SUSD1: variants seen among roughly 807,000 people sequenced by gnomAD.
SUSD1 encodes the protein sushi domain containing 1, also known as sushi domain-containing protein 1.
SUSD1 carries 65 observed loss-of-function variants against 86.9 expected under a neutral mutation model. The observed-to-expected ratio is 0.75, with a 90% CI of 0.61 to 0.92. The LOEUF (loss-of-function observed/expected upper bound fraction) is 0.92. Ranked by LOEUF, SUSD1 falls within the 40% of genes least tolerant of loss-of-function variation. The probability of loss-of-function intolerance (pLI) is 0.00; values close to 1 mark genes in which losing one functional copy is unlikely to be tolerated. For synonymous variants in SUSD1, 346 were observed against 350.0 expected, an observed-to-expected ratio of 0.99 and a Z score of 0.13; for missense variants, 850 against 929.7, an observed-to-expected ratio of 0.91 and a Z score of 1.11.
chr9:112,043,181 T>C (rs1827816035), intron 15 of SUSD1, among the ~76,000 whole-genome samples: 1 of 152,204 alleles, frequency 6.6e-6, no homozygotes, highest in Non-Finnish European at 1.5e-5. Flanking sequence ...AGCCATGAGA[T>C]TAGAAATTAT....
chr9:112,165,953 G>GA (rs1363141477), intron 1 of SUSD1, among the ~76,000 whole-genome samples: 1 of 145,376 alleles, frequency 6.9e-6, no homozygotes, highest in Non-Finnish European at 1.5e-5. Flanking sequence ...AAGAAAGAAA[G>GA]AAAGAAAGAA....
intron 1 of SUSD1, chr9:112,173,915 G>A (rs771894258): frequency 1.5e-5 from 4 of 258,838 alleles, no homozygotes; most frequent in Non-Finnish European, 2.3e-5. Flanking sequence ...TCATGATGCC[G>A]TTTCTGTGCC....
At chr9:112,161,587 T>G (rs1833571984) in intron 1 of SUSD1, among the ~76,000 whole-genome samples, 1 of 151,056 alleles carries the variant, frequency 6.6e-6, no homozygotes. Flanking sequence ...CTTCGGGAGG[T>G]CAAGGTGGGC....
At chr9:112,137,815 T>C (rs969339142) in intron 5 of SUSD1, 2 of 152,186 alleles carry the variant, frequency 1.3e-5, no homozygotes, top group Non-Finnish European at 2.9e-5. Context: ...TTTGGCAGCA[T>C]GTATACTAAA....
At chr9:112,067,506 GA>G (rs1829040575) in intron 12 of SUSD1, among the ~76,000 whole-genome samples, 1 of 152,236 alleles carries the variant, frequency 6.6e-6, no homozygotes, top group South Asian at 2.1e-4. Flanking sequence ...TGGAAAGGCA[GA>G]ACCCTCAGCT....
intron 2 of SUSD1, among the ~76,000 whole-genome samples, chr9:112,150,743 G>A (rs964193583): frequency 6.6e-6 from 1 of 152,208 alleles, no homozygotes; most frequent in African/African-American, 2.4e-5. Flanking sequence ...AACACAGTGG[G>A]AAGTATTAGT....
chr9:112,174,748 C>A (rs561491757), intron 1 of SUSD1, among the ~76,000 whole-genome samples: 1 of 152,308 alleles, frequency 6.6e-6, no homozygotes, highest in African/African-American at 2.4e-5. Flanking sequence ...CACCGCAGAG[C>A]CGGAAGCGTG....
At chr9:112,062,654 C>T (rs548936162) in intron 13 of SUSD1, among the ~76,000 whole-genome samples, 1 of 152,236 alleles carries the variant, frequency 6.6e-6, no homozygotes, top group East Asian at 1.9e-4. Flanking sequence ...GAGATCGCAA[C>T]ACTGTACTCC....
chr9:112,154,338 A>C (rs1426893502), intron 2 of SUSD1, among the ~76,000 whole-genome samples: 280 of 149,622 alleles, frequency 1.9e-3, no homozygotes, highest in Non-Finnish European at 2.6e-3. Flanking sequence ...ACACACACAA[A>C]AAAAAAAAAA....
intron 5 of SUSD1, among the ~76,000 whole-genome samples, chr9:112,125,844 C>T (rs745825909): frequency 3.9e-5 from 6 of 152,228 alleles, no homozygotes; most frequent in Non-Finnish European, 8.8e-5. Flanking sequence ...CACTCTTTTA[C>T]ATCCCATTAT....
At chr9:112,042,758 G>A (rs1316327643) in intron 15 of SUSD1, among the ~76,000 whole-genome samples, 1 of 152,072 alleles carries the variant, frequency 6.6e-6, no homozygotes, top group African/African-American at 2.4e-5. Context: ...TTCACATTGG[G>A]TACTATTATT....
intron 4 of SUSD1, 63 bp from the exon 5 acceptor site, chr9:112,142,562 T>A: frequency 6.6e-7 from 1 of 1,507,028 alleles, no homozygotes; most frequent in Non-Finnish European, 9.1e-7. Context: ...ATTCACAATC[T>A]CTCTCCACCT....
chr9:112,079,707 A>G (rs1468988726), intron 11 of SUSD1, among the ~76,000 whole-genome samples: 1 of 150,480 alleles, frequency 6.6e-6, no homozygotes, highest in African/African-American at 2.4e-5. Context: ...GGTTCAAGCT[A>G]TTCTCCTGCC....
chr9:112,093,941 T>TA (rs1285408224), intron 10 of SUSD1, among the ~76,000 whole-genome samples: 2 of 152,228 alleles, frequency 1.3e-5, no homozygotes, highest in African/African-American at 4.8e-5. Context: ...ACTTTTTTTT[T>TA]ATTTCAGTCT....
At chr9:112,084,841 T>C (rs1279637916) in intron 10 of SUSD1, among the ~76,000 whole-genome samples, 4 of 152,168 alleles carry the variant, frequency 2.6e-5, no homozygotes, top group Non-Finnish European at 5.9e-5. Flanking sequence ...AATCCTGAAG[T>C]TGAAAAACCA....
chr9:112,109,636 A>G (rs1385170636), intron 8 of SUSD1, among the ~76,000 whole-genome samples: 1 of 152,236 alleles, frequency 6.6e-6, no homozygotes, highest in Non-Finnish European at 1.5e-5. Flanking sequence ...TCCAAAGACC[A>G]TGTTTTTCCC....
Position 112,041,943 on chromosome 9 carries a change from G to C in SUSD1, c.2167C>G (p.Leu723Val). ...AQVKDSSLML[L>V]QMAGVGLGSL... ...CCCAGTCCAACACCCGCCATCTGCA[G>C]CAGCATGAGTGACGAATCTGTGGGA... The change falls in exon 16 of 17, where the codon CTG (leucine) becomes GTG (valine). Residue 723 changes from leucine (L) to valine (V), a missense_variant. Leu to Val is a conservative substitution (Grantham distance 32). Coordinates refer to ENST00000374270, the MANE Select transcript of SUSD1 (RefSeq NM_022486.5). The C allele has an allele frequency of 6.2e-7, 1 of 1,614,020 alleles. No homozygotes were observed. The highest frequency in any genetic ancestry group is 8.5e-7 in the Non-Finnish European group (1 of 1,179,932).
intron 2 of SUSD1, among the ~76,000 whole-genome samples, chr9:112,152,849 G>A (rs1456767095): frequency 1.5e-5 from 2 of 137,586 alleles, no homozygotes; most frequent in Non-Finnish European, 1.5e-5. Flanking sequence ...CAACCTCCTC[G>A]GCTCAAGGGA....
intron 11 of SUSD1, 106 bp from the exon 12 acceptor site, chr9:112,078,830 T>TTTTTTTTTTTG (rs747300919): frequency 1.2e-6 from 1 of 863,586 alleles, no homozygotes; most frequent in African/African-American, 1.8e-5. Context: ...TTTTTTTTTT[T>TTTTTTTTTTTG]GAGATGGGGG....
Sources: gnomAD v4.1 joint callset for allele counts (sites outside exome capture counted in the v4.1 genomes callset) on GRCh38, gnomAD v4.1.1 for gene constraint, MANE v1.5 for transcripts, NCBI Gene and HGNC (gene_info 2026-07-23, HGNC 2026-07-21) for gene names.